The following NLGN4X variants were observed in gnomAD, a reference collection of about 807,000 sequenced individuals.
NLGN4X encodes the protein neuroligin-4, X-linked.
NLGN4X carries 3 observed loss-of-function variants against 40.3 expected under a neutral mutation model. That is an observed-to-expected ratio of 0.07 (90% CI 0.03 to 0.19). NLGN4X has a LOEUF of 0.19. Ranked by LOEUF, NLGN4X falls within the 10% of genes least tolerant of loss-of-function variation. NLGN4X has a pLI of 1.00. For missense variants in NLGN4X, 382 were observed against 708.3 expected (o/e 0.54, Z 5.23); for synonymous variants, 270 against 306.8 (o/e 0.88, Z 1.25).
chrX:5,960,443 A>C lies in NLGN4X; in HGVS notation c.626-51204T>G, dbSNP rs373956116. On this transcript the variant is annotated intron_variant, in intron 3 of 5. Transcript: ENST00000381095. ...ATTTTTAAAACTTTAAAGAGTAAAC[A>C]TATTTTAAAAGCAATATTTCAAAGA... 4.5e-5 allele frequency among the ~76,000 whole-genome samples: 5 copies of C among 111,617 alleles called. No homozygotes were observed. In the East Asian group the frequency reaches 1.4e-3, roughly 31 times the overall value.
chrX:5,897,110 A>G (rs1828559833), intron 5 of NLGN4X, among the ~76,000 whole-genome samples: 1 of 112,004 alleles, frequency 8.9e-6, no homozygotes, highest in Admixed American at 9.5e-5. Context: ...AAAAATCAAA[A>G]TATGTGTTGA....
chrX:6,095,970 G>T (rs1459236248), intron 2 of NLGN4X, among the ~76,000 whole-genome samples: 1 of 112,419 alleles, frequency 8.9e-6, no homozygotes, highest in Non-Finnish European at 1.9e-5. Context: ...ATGGTTTGGA[G>T]TATCAGGGCA....
At chrX:6,012,022 C>A (rs1264647358) in intron 3 of NLGN4X, among the ~76,000 whole-genome samples, 1 of 111,907 alleles carries the variant, frequency 8.9e-6, no homozygotes, top group Non-Finnish European at 1.9e-5. Flanking sequence ...TTAAAACCTG[C>A]ATTAATCTTT....
At chrX:6,001,738 C>T (rs1385807494) in intron 3 of NLGN4X, among the ~76,000 whole-genome samples, 1 of 108,940 alleles carries the variant, frequency 9.2e-6, no homozygotes, top group Non-Finnish European at 1.9e-5. Flanking sequence ...CCATCAAATC[C>T]TGCCCGAGCT....
At chrX:6,091,206 T>C (rs1239770946) in intron 2 of NLGN4X, among the ~76,000 whole-genome samples, 1 of 111,531 alleles carries the variant, frequency 9.0e-6, no homozygotes, top group African/African-American at 3.3e-5. Flanking sequence ...TATTTATTCC[T>C]AAGAGTATCC....
At chrX:6,157,994 C>A (rs964169592) in intron 1 of NLGN4X, among the ~76,000 whole-genome samples, 7 of 112,167 alleles carry the variant, frequency 6.2e-5, no homozygotes, top group South Asian at 3.7e-4. Context: ...TATTCATCTT[C>A]TGCATATCTA....
intron 1 of NLGN4X, among the ~76,000 whole-genome samples, chrX:6,199,232 G>A (rs933949259): frequency 9.0e-6 from 1 of 111,594 alleles, no homozygotes; most frequent in African/African-American, 3.3e-5. Context: ...TCCTCAAACA[G>A]AGCAATCTTT....
intron 2 of NLGN4X, among the ~76,000 whole-genome samples, chrX:6,052,573 T>C (rs2037519621): frequency 8.9e-6 from 1 of 112,097 alleles, no homozygotes; most frequent in Admixed American, 9.4e-5. Context: ...GGGCTGCCTG[T>C]CAGCTGTCCT....
chrX:6,090,810 T>C (rs1205711808), intron 2 of NLGN4X, among the ~76,000 whole-genome samples: 1 of 104,157 alleles, frequency 9.6e-6, no homozygotes, highest in Non-Finnish European at 1.9e-5. Context: ...GTGGTAGTGG[T>C]GCCACTGTCA....
intron 2 of NLGN4X, among the ~76,000 whole-genome samples, chrX:6,120,905 T>G (rs1028718266): frequency 1.2e-4 from 13 of 111,767 alleles, no homozygotes; most frequent in Non-Finnish European, 2.1e-4. Context: ...CAAGAAACTT[T>G]AGAGAGTAGA....
intron 2 of NLGN4X, among the ~76,000 whole-genome samples, chrX:6,095,093 ACGTG>A (rs1209356607): frequency 4.3e-5 from 1 of 23,493 alleles, no homozygotes; most frequent in African/African-American, 1.9e-4. Context: ...GGCTTTAAGT[ACGTG>A]CGTGCGTGTG....
At chrX:6,095,815 G>A (rs934997264) in intron 2 of NLGN4X, among the ~76,000 whole-genome samples, 10 of 111,608 alleles carry the variant, frequency 9.0e-5, no homozygotes, top group African/African-American at 2.9e-4. Flanking sequence ...CACAGGAAGC[G>A]CCCCAAAAGT....
At chrX:6,170,762 ATAT>A (rs746140561) in intron 1 of NLGN4X, among the ~76,000 whole-genome samples, 3 of 112,046 alleles carry the variant, frequency 2.7e-5, no homozygotes, top group Non-Finnish European at 5.6e-5. Context: ...TTTTCTTGAT[ATAT>A]TATTTTTAGA....
intron 3 of NLGN4X, among the ~76,000 whole-genome samples, chrX:6,022,138 G>A (rs1377052485): frequency 1.8e-5 from 2 of 111,405 alleles, no homozygotes; most frequent in African/African-American, 6.5e-5. Flanking sequence ...TTTTAGTAAC[G>A]CCTGGGTCCT....
chrX:5,933,473 T>C (rs1283711509), intron 3 of NLGN4X, among the ~76,000 whole-genome samples: 1 of 111,977 alleles, frequency 8.9e-6, no homozygotes, highest in Non-Finnish European at 1.9e-5. Context: ...ATTCTATATA[T>C]TTTTGATTTT....
intron 2 of NLGN4X, among the ~76,000 whole-genome samples, chrX:6,085,774 G>T (rs994393472): frequency 8.9e-6 from 1 of 112,116 alleles, no homozygotes; most frequent in Non-Finnish European, 1.9e-5. Context: ...CTGGTGTGGT[G>T]GACTCCATGC....
At chrX:5,931,399 T>C (rs1401101947) in intron 3 of NLGN4X, among the ~76,000 whole-genome samples, 2 of 112,159 alleles carry the variant, frequency 1.8e-5, no homozygotes, top group Non-Finnish European at 3.8e-5. Context: ...TAGAAAGTTT[T>C]GACAAGTAAT....
chrX:6,009,393 G>C (rs1165076142), intron 3 of NLGN4X, among the ~76,000 whole-genome samples: 1 of 112,042 alleles, frequency 8.9e-6, no homozygotes, highest in Non-Finnish European at 1.9e-5. Flanking sequence ...CAATGTGAAA[G>C]AGTTCCAGTT....
At chrX:5,893,692 A>G in intron 5 of NLGN4X, 26 bp from the exon 6 acceptor site, 1 of 1,209,077 alleles carries the variant, frequency 8.3e-7, no homozygotes. Context: ...AGAAAAAAAG[A>G]AAGGTCATAC....
Sources: gnomAD v4.1 joint callset for allele counts (sites outside exome capture counted in the v4.1 genomes callset) on GRCh38, gnomAD v4.1.1 for gene constraint, MANE v1.5 for transcripts, NCBI Gene and HGNC (gene_info 2026-07-23, HGNC 2026-07-21) for gene names.